The following TUBGCP6 variants were observed in gnomAD, a reference collection of about 807,000 sequenced individuals.
The protein encoded by TUBGCP6 is gamma-tubulin complex component 6.
A neutral mutation model predicts 175.8 loss-of-function variants in TUBGCP6; 161 were observed. That is an observed-to-expected ratio of 0.92 (90% confidence interval 0.81 to 1.04). TUBGCP6 has a LOEUF of 1.04. Ranked by LOEUF, TUBGCP6 falls within the 50% of genes least tolerant of loss-of-function variation. The pLI, the probability that TUBGCP6 is intolerant of heterozygous loss-of-function variation, is 0.00. For synonymous variants in TUBGCP6, 1,173 were observed against 1,030.5 expected, an observed-to-expected ratio of 1.14 and a Z score of -2.65; for missense variants, 2,572 against 2,433.0, an observed-to-expected ratio of 1.06 and a Z score of -1.20.
At position 50,229,562 on chromosome 22, in the gene TUBGCP6, C is replaced by A. The variant is rs370995678; in HGVS notation, c.1132G>T (p.Val378Leu). ...GACACGTGGACGCCCCGCTTCACCA[C>A]AAAGGCCTGGGCCGGCTGCACAGGG... ...FSLCQPAQAFVVKRGVHVSGA... is the reference protein window; with the variant it reads ...FSLCQPAQAFLVKRGVHVSGA... Residue 378 changes from valine to leucine, a missense_variant, in exon 4 of 25, where the codon GTG (valine) becomes TTG (leucine). By Grantham distance (32) the Val-to-Leu change is conservative (BLOSUM62 1). Coordinates refer to ENST00000248846, the MANE Select transcript of TUBGCP6 (RefSeq NM_020461.4). 13 of 1,595,406 alleles carry A rather than the reference C, an allele frequency of 8.1e-6. No homozygotes were observed. Among genetic ancestry groups the A allele is most frequent in the Non-Finnish European group, 1.1e-5 (13 of 1,171,774 alleles).
In TUBGCP6 at chr22:50,229,431, A is replaced by G. The variant is rs756220635; in HGVS notation, c.1263T>C (p.Ser421=). The G allele has an allele frequency of 6.2e-7, 1 of 1,613,648 alleles. No individual in the cohort carries two copies. The highest frequency in any genetic ancestry group is 1.1e-5 in the South Asian group (1 of 90,992). ...SHFSLQPVLD[S]LYSKGLVFQA... ...GGAACACGAGGCCCTTGCTGTACAA[A>G]GAGTCCAGGACGGGCTGCAGAGAGA... Residue 421 remains serine, a synonymous_variant, in exon 4 of 25, where the codon TCT becomes TCC. Coordinates refer to ENST00000248846, the MANE Select transcript of TUBGCP6 (RefSeq NM_020461.4).
intron 13 of TUBGCP6, 140 bp downstream of exon 13, chr22:50,224,001 G>A (rs1167532176): frequency 2.7e-6 from 2 of 727,684 alleles, no homozygotes; most frequent in South Asian, 3.5e-5. Flanking sequence ...GCCACTCTGG[G>A]TTCAGCATAT....
At chr22:50,231,008 G>C (rs1310058464) in intron 3 of TUBGCP6, among the ~76,000 whole-genome samples, 3 of 148,686 alleles carry the variant, frequency 2.0e-5, no homozygotes, top group Non-Finnish European at 3.0e-5. Flanking sequence ...CTTAAACCCA[G>C]GAGGAAGAGG....
Position 50,218,582 on chromosome 22 carries a change from G to A in TUBGCP6, c.4860C>T (p.Cys1620=). The change falls in exon 22 of 25, where the codon TGC becomes TGT. Residue 1620 remains cysteine (C), a synonymous_variant. Transcript: ENST00000248846. ...WPLNIVITEG[C]VSKYSGVFSF... ...AGAAGACGCCGCTGTACTTGCTCAC[G>A]CAGCCCTCGGTGATGACAATGTTGA... 6.2e-7 allele frequency: 1 copy of A among 1,613,598 alleles called. No individual in the cohort carries two copies. The highest frequency in any genetic ancestry group is 1.1e-5 in the South Asian group (1 of 91,066).
chr22:50,226,542 G>C (rs1251941169), intron 7 of TUBGCP6, among the ~76,000 whole-genome samples, 164 bp from the exon 8 acceptor site: 1 of 149,054 alleles, frequency 6.7e-6, no homozygotes, highest in East Asian at 2.0e-4. Context: ...GGGCGGGATG[G>C]AGTGGGGGCA....
intron 9 of TUBGCP6, 53 bp from the exon 10 acceptor site, chr22:50,225,996 T>G (rs1477236724): frequency 3.7e-6 from 6 of 1,612,920 alleles, no homozygotes; most frequent in Admixed American, 1.7e-5. Context: ...AGCCTCATAC[T>G]CAGCCCCAGG....
At position 50,218,059 on chromosome 22, in the gene TUBGCP6, G is replaced by A. The variant is rs2064447187; in HGVS notation, c.5227C>T (p.Leu1743Phe). The A allele has an allele frequency of 6.2e-7, 1 of 1,613,518 alleles. No individual in the cohort carries two copies. Among genetic ancestry groups the A allele is most frequent in the Non-Finnish European group, 8.5e-7 (1 of 1,179,968 alleles). The change falls in exon 24 of 25, where the codon CTC becomes TTC. Residue 1743 changes from leucine to phenylalanine, a missense_variant. By Grantham distance (22) the Leu-to-Phe change is conservative. Coordinates refer to ENST00000248846, the MANE Select transcript of TUBGCP6 (RefSeq NM_020461.4). ...VMNVIHSIFS[L>F]VLKFRSQLIS... The stretch of plus-strand genomic sequence containing the variant: ...AGCTGGCTGCGGAACTTGAGCACGA[G>A]GCTGAAGATGCTGTGGATGACGTTC...
chr22:50,221,897 C>T, intron 15 of TUBGCP6, 23 bp from the exon 16 acceptor site: 2 of 1,533,540 alleles, frequency 1.3e-6, no homozygotes, highest in African/African-American at 1.4e-5. Context: ...TGACATCAGA[C>T]CCAGTCTGGT....
chr22:50,241,982 T>C (rs1192942049), intron 1 of TUBGCP6, among the ~76,000 whole-genome samples: 2 of 27,934 alleles, frequency 7.2e-5, no homozygotes, highest in East Asian at 1.1e-3. Flanking sequence ...AGACTCCATC[T>C]CAAAAAAAAA....
rs200165318 is a variant in TUBGCP6, at chr22:50,221,008, G to A, written c.3351C>T (p.Val1117=). The change falls in exon 16 of 25, where the codon GTC becomes GTT. Residue 1117 remains valine (V), a synonymous_variant. Transcript: ENST00000248846. ...HGHVSNASIR[V]GENVSDVAPT... ...GAGCCACATCTGACACATTCTCCCC[G>A]ACCCTGATGCTGGCGTTGGACACAT... 4.8e-5 allele frequency: 75 copies of A among 1,566,492 alleles called. 1 individual carries two copies. In the South Asian group the frequency reaches 5.1e-4, roughly 11 times the overall value.
intron 1 of TUBGCP6, among the ~76,000 whole-genome samples, chr22:50,242,341 A>C (rs1284636386): frequency 6.6e-6 from 1 of 151,988 alleles, no homozygotes. Flanking sequence ...CATATAAAAT[A>C]CAAAAATTAG....
chr22:50,241,087 T>A (rs1281847775), intron 1 of TUBGCP6, among the ~76,000 whole-genome samples: 1 of 152,240 alleles, frequency 6.6e-6, no homozygotes, highest in Non-Finnish European at 1.5e-5. Flanking sequence ...AGATCATAAA[T>A]ATGATTATAT....
Position 50,220,471 on chromosome 22 carries a change from G to A in TUBGCP6, c.3888C>T (p.Ser1296=), listed in dbSNP as rs201520991. Residue 1296 remains serine, a synonymous_variant, in exon 16 of 25, where the codon AGC becomes AGT. Coordinates refer to ENST00000248846, the MANE Select transcript of TUBGCP6 (RefSeq NM_020461.4). ...AEPNTPRPQQ[S]PPGHTSQSAL... is the part of the protein sequence containing the mutation. ...CTGACTGGGACGTGTGGCCAGGGGGGCTCTGTTGGGGCCTGGGTGTGTTGG... is the reference window on the plus strand; with the variant it reads ...CTGACTGGGACGTGTGGCCAGGGGGACTCTGTTGGGGCCTGGGTGTGTTGG... The A allele has an allele frequency of 1.2e-6, 2 of 1,613,044 alleles. No homozygotes were observed. The highest frequency in any genetic ancestry group is 1.7e-6 in the Non-Finnish European group (2 of 1,179,956).
intron 19 of TUBGCP6, 35 bp downstream of exon 19, chr22:50,219,253 G>A: frequency 6.2e-7 from 1 of 1,610,672 alleles, no homozygotes; most frequent in Non-Finnish European, 8.5e-7. Flanking sequence ...GGACGGGCTG[G>A]GTGGGCAGAC....
At chr22:50,227,774 G>A (rs2064634154) in intron 5 of TUBGCP6, 133 bp downstream of exon 5, 1 of 1,303,428 alleles carries the variant, frequency 7.7e-7, no homozygotes, top group African/African-American at 1.5e-5. Flanking sequence ...CCGGCCAAGG[G>A]CCATCCGGTC....
At chr22:50,237,730 G>A (rs962400224) in intron 2 of TUBGCP6, among the ~76,000 whole-genome samples, 1 of 152,218 alleles carries the variant, frequency 6.6e-6, no homozygotes, top group African/African-American at 2.4e-5. Context: ...CGGGAGCTCC[G>A]CAGTCTCCAG....
Position 50,219,982 on chromosome 22 carries a change from G to A in TUBGCP6, c.4142C>T (p.Ser1381Phe), listed in dbSNP as rs750035574. ...PGRSGDTEDL[S>F]PNWPLNSQED... ...CTGTGAGTTGAGAGGCCAATTTGGA[G>A]AGAGGTCCTCAGTGTCCCCGCTCCT... Residue 1381 changes from serine (S) to phenylalanine (F), a missense_variant, in exon 17 of 25, where the codon TCT (serine) becomes TTT (phenylalanine). Ser to Phe is a radical substitution (Grantham distance 155). Coordinates refer to ENST00000248846, the MANE Select transcript of TUBGCP6 (RefSeq NM_020461.4). The A allele has an allele frequency of 1.2e-5, 19 of 1,613,926 alleles. No individual in the cohort carries two copies. In the East Asian group the frequency reaches 2.0e-4, roughly 17 times the overall value.
chr22:50,217,778 A>G lies in TUBGCP6; in HGVS notation c.5418T>C (p.Phe1806=), dbSNP rs752837357. Residue 1806 remains phenylalanine, a synonymous_variant, in exon 25 of 25, where the codon TTT becomes TTC. Coordinates refer to ENST00000248846, the MANE Select transcript of TUBGCP6 (RefSeq NM_020461.4). ...NRGYQPHLED[F]LLRINFNNYY... ...AGTTGTTGAAGTTGATGCGCAGCAGAAAGTCCTCCAGGTGGGGCTGGTAGC... is the reference window on the plus strand; with the variant it reads ...AGTTGTTGAAGTTGATGCGCAGCAGGAAGTCCTCCAGGTGGGGCTGGTAGC... 14 of 1,614,034 alleles carry G rather than the reference A, an allele frequency of 8.7e-6. No homozygotes were observed. The highest frequency in any genetic ancestry group is 2.7e-5 in the African/African-American group (2 of 75,020).
chr22:50,218,323 C>T lies in TUBGCP6; in HGVS notation c.5034G>A (p.Lys1678=), dbSNP rs1199068620. ...LFKHEMQHFV[K]VIQGYIANQI... is the part of the protein sequence containing the mutation. The stretch of plus-strand genomic sequence containing the variant: ...GGTTGGCGATGTAGCCCTGGATGAC[C>T]TTCACGAAATGCTGCATCTCGTGCT... Residue 1678 remains lysine (K), a synonymous_variant, in exon 23 of 25, where the codon AAG becomes AAA. Coordinates refer to ENST00000248846, the MANE Select transcript of TUBGCP6 (RefSeq NM_020461.4). 32 of 1,612,982 alleles carry T rather than the reference C, an allele frequency of 2.0e-5. No homozygotes were observed. Among genetic ancestry groups the T allele is most frequent in the Non-Finnish European group, 2.5e-5 (30 of 1,179,998 alleles).
Sources: allele counts gnomAD v4.1 joint callset (sites outside exome capture counted in the v4.1 genomes callset), GRCh38; gene constraint gnomAD v4.1.1; transcripts MANE v1.5; gene names NCBI Gene and HGNC (gene_info 2026-07-23, HGNC 2026-07-21).